Variants in DPP10 observed in about 807,000 individuals in gnomAD.
The protein encoded by DPP10 is inactive dipeptidyl peptidase 10.
A neutral mutation model predicts 120.9 loss-of-function variants in DPP10; 33 were observed. The observed-to-expected ratio is 0.27, with a 90% CI of 0.21 to 0.37. The LOEUF is 0.37. Ranked by LOEUF, DPP10 falls within the 10% of genes least tolerant of loss-of-function variation. DPP10 has a pLI of 1.00. For synonymous variants in DPP10, 337 were observed against 326.1 expected, an observed-to-expected ratio of 1.03 and a Z score of -0.36; for missense variants, 816 against 942.8, an observed-to-expected ratio of 0.87 and a Z score of 1.76.
At chr2:115,149,043 G>A (rs970928304) in intron 1 of DPP10, among the ~76,000 whole-genome samples, 8 of 152,060 alleles carry the variant, frequency 5.3e-5, no homozygotes, top group Non-Finnish European at 8.8e-5. Flanking sequence ...ACAAATATGG[G>A]CCACTTGTGG....
chr2:115,624,968 T>A (rs1247784755), intron 5 of DPP10, among the ~76,000 whole-genome samples: 1 of 152,096 alleles, frequency 6.6e-6, no homozygotes, highest in Admixed American at 6.6e-5. Context: ...TGTCTAACAT[T>A]TAGAGTGGAG....
chr2:114,507,102 C>A (rs1166122232), intron 1 of DPP10, among the ~76,000 whole-genome samples: 2 of 145,162 alleles, frequency 1.4e-5, no homozygotes, highest in Non-Finnish European at 3.0e-5. Context: ...GGCTGGAGTA[C>A]AGTGGTGTGA....
intron 1 of DPP10, among the ~76,000 whole-genome samples, chr2:114,569,369 A>G (rs1442850190): frequency 3.9e-5 from 6 of 152,210 alleles, no homozygotes; most frequent in Admixed American, 3.9e-4. Context: ...AGTGCATGTT[A>G]CAAATAAACA....
At chr2:115,491,190 A>G (rs947858805) in intron 3 of DPP10, among the ~76,000 whole-genome samples, 8 of 152,154 alleles carry the variant, frequency 5.3e-5, no homozygotes, top group African/African-American at 1.9e-4. Context: ...GAACTATTGC[A>G]ATATAGAGAA....
At chr2:115,144,642 A>G (rs576737651) in intron 1 of DPP10, among the ~76,000 whole-genome samples, 2 of 124,420 alleles carry the variant, frequency 1.6e-5, no homozygotes, top group South Asian at 5.5e-4. Flanking sequence ...AGGAAGGGGA[A>G]CATCACATTC....
chr2:114,868,513 A>G (rs1690420194), intron 1 of DPP10, among the ~76,000 whole-genome samples: 1 of 152,172 alleles, frequency 6.6e-6, no homozygotes, highest in Non-Finnish European at 1.5e-5. Flanking sequence ...CACTGGAAAG[A>G]GTTTATCACA....
chr2:114,950,925 T>A (rs1697738482), intron 1 of DPP10, among the ~76,000 whole-genome samples: 1 of 152,146 alleles, frequency 6.6e-6, no homozygotes, highest in Admixed American at 6.5e-5. Context: ...TTTATGTCAA[T>A]TCTTTGGACT....
chr2:115,276,095 G>A (rs1258382997), intron 1 of DPP10, among the ~76,000 whole-genome samples: 1 of 152,110 alleles, frequency 6.6e-6, no homozygotes, highest in Non-Finnish European at 1.5e-5. Context: ...TTTCCGGATG[G>A]ATATGTGGAG....
intron 1 of DPP10, among the ~76,000 whole-genome samples, chr2:115,057,566 T>C (rs140872296): frequency 4.2e-4 from 64 of 152,350 alleles, no homozygotes; most frequent in African/African-American, 1.5e-3. Flanking sequence ...GGTGAAATTA[T>C]ATTTTTATGG....
chr2:115,695,394 A>G (rs13033832), intron 7 of DPP10, among the ~76,000 whole-genome samples: 95,941 of 152,014 alleles, frequency 0.63, 32,176 homozygotes, highest in East Asian at 0.92. Flanking sequence ...GTAATTTATA[A>G]AGGAAATAGG....
chr2:114,615,693 A>T (rs1693623329), intron 1 of DPP10, among the ~76,000 whole-genome samples: 1 of 152,124 alleles, frequency 6.6e-6, no homozygotes, highest in East Asian at 1.9e-4. Context: ...TACCCTTTCA[A>T]TGCGTTATTC....
At chr2:115,512,257 T>C (rs953098124) in intron 4 of DPP10, among the ~76,000 whole-genome samples, 11 of 152,010 alleles carry the variant, frequency 7.2e-5, no homozygotes, top group African/African-American at 2.4e-4. Context: ...TGAGCCACCA[T>C]GTCTAGCTAA....
chr2:115,689,765 C>T (rs2091207204), intron 6 of DPP10, 26 bp downstream of exon 6: 1 of 1,606,638 alleles, frequency 6.2e-7, no homozygotes, highest in Admixed American at 1.7e-5. Flanking sequence ...TTCTAGTTTT[C>T]ATGAGCAATT....
chr2:114,566,544 T>C (rs1423847434), intron 1 of DPP10, among the ~76,000 whole-genome samples: 2 of 152,214 alleles, frequency 1.3e-5, no homozygotes, highest in African/African-American at 2.4e-5. Flanking sequence ...AATGTCCTTT[T>C]TCTGTTCCAA....
chr2:115,640,532 C>T (rs1304515790), intron 5 of DPP10, among the ~76,000 whole-genome samples: 1 of 150,922 alleles, frequency 6.6e-6, no homozygotes, highest in Non-Finnish European at 1.5e-5. Context: ...ATAAGTAAAA[C>T]CTAATATTTT....
intron 1 of DPP10, among the ~76,000 whole-genome samples, chr2:115,186,379 G>C (rs1172292373): frequency 2.0e-5 from 3 of 152,186 alleles, no homozygotes; most frequent in Admixed American, 6.5e-5. Context: ...GAGGAGACAT[G>C]ATAGTCCTCT....
intron 9 of DPP10, among the ~76,000 whole-genome samples, chr2:115,744,167 G>A (rs1248712228): frequency 2.7e-5 from 4 of 150,502 alleles, no homozygotes; most frequent in African/African-American, 9.7e-5. Context: ...TAGGTTTCAG[G>A]TGGGGTCCAT....
At chr2:114,591,184 C>A (rs937618607) in intron 1 of DPP10, among the ~76,000 whole-genome samples, 5 of 152,204 alleles carry the variant, frequency 3.3e-5, no homozygotes, top group Admixed American at 3.3e-4. Flanking sequence ...GTAAGGTCTG[C>A]AGAAGCCAGA....
At chr2:114,980,042 C>T (rs988666426) in intron 1 of DPP10, among the ~76,000 whole-genome samples, 2 of 152,058 alleles carry the variant, frequency 1.3e-5, no homozygotes, top group African/African-American at 4.8e-5. Context: ...ATCTCTCTTA[C>T]ATTATTTTAA....
Sources: gnomAD v4.1 joint callset for allele counts (sites outside exome capture counted in the v4.1 genomes callset) on GRCh38, gnomAD v4.1.1 for gene constraint, MANE v1.5 for transcripts, NCBI Gene and HGNC (gene_info 2026-07-23, HGNC 2026-07-21) for gene names.